ZNF775: variants seen among roughly 807,000 people sequenced by gnomAD.
The protein encoded by ZNF775 is zinc finger protein 775.
A neutral mutation model predicts 2.4 loss-of-function variants in ZNF775; 1 was observed. That is an observed-to-expected ratio of 0.41 (90% confidence interval 0.15 to 1.94). ZNF775 has a LOEUF of 1.94. Among genes scored for constraint, ZNF775 ranks in the 30% most tolerant of loss-of-function variants. The pLI is 0.30. For synonymous variants in ZNF775, 381 were observed against 373.3 expected (o/e 1.02, Z -0.24); for missense variants, 823 against 826.6 (o/e 1.00, Z 0.05).
In ZNF775 at chr7:150,388,584, C is replaced by T. The variant is rs193193031; in HGVS notation, c.31+83C>T. 3,516 of 1,490,352 alleles carry T rather than the reference C, an allele frequency of 2.4e-3. 5 individuals carry two copies. Among genetic ancestry groups the T allele is most frequent in the Non-Finnish European group, 2.9e-3 (3,186 of 1,092,944 alleles). The allele number at this position is 1,490,352 out of a possible 1,614,324, so 92.3% of individuals were successfully genotyped here. On this transcript the variant is annotated intron_variant, in intron 2 of 2. Transcript: ENST00000329630. ...CCCTTATCTTTTCTAAAGCCAGGCG[C>T]GAGCCAGTGCCCTCAGCCAGTAGCT...
intron 2 of ZNF775, among the ~76,000 whole-genome samples, chr7:150,394,929 C>T (rs893708751): frequency 1.3e-5 from 2 of 152,178 alleles, no homozygotes; most frequent in Admixed American, 6.5e-5. Context: ...ACCTTTTGCC[C>T]ACTTCCATTC....
At position 150,388,507 on chromosome 7, in the gene ZNF775, A is replaced by G. The variant is rs1428605439; in HGVS notation, c.31+6A>G. ...CCTGGCTGGCAACGGCACAGGTAAGAGAGAAGAAAGAGGAGGCAGGGGAGC... is the reference window on the plus strand; with the variant it reads ...CCTGGCTGGCAACGGCACAGGTAAGGGAGAAGAAAGAGGAGGCAGGGGAGC... On this transcript the variant is annotated splice_donor_region_variant and intron_variant, in intron 2 of 2. Coordinates refer to ENST00000329630, the MANE Select transcript of ZNF775 (RefSeq NM_173680.4). The G allele has an allele frequency of 2.6e-6, 4 of 1,551,828 alleles. No individual in the cohort carries two copies. The highest frequency in any genetic ancestry group is 1.7e-6 in the Non-Finnish European group (2 of 1,147,060).
At chr7:150,385,078 G>A (rs1272854270) in intron 1 of ZNF775, among the ~76,000 whole-genome samples, 2 of 152,154 alleles carry the variant, frequency 1.3e-5, no homozygotes, top group Non-Finnish European at 2.9e-5. Flanking sequence ...TTCCCAAGAT[G>A]TGGCATGCAG....
chr7:150,389,403 G>A (rs4725886), intron 2 of ZNF775, among the ~76,000 whole-genome samples: 32,754 of 152,264 alleles, frequency 0.22, 4,702 homozygotes, highest in Non-Finnish European at 0.31. Flanking sequence ...AAACGTGGCC[G>A]CAAGTGCAAA....
intron 2 of ZNF775, among the ~76,000 whole-genome samples, chr7:150,389,019 CAT>C (rs1390329530): frequency 3.3e-5 from 5 of 152,228 alleles, no homozygotes; most frequent in African/African-American, 9.6e-5. Context: ...CCCGCACAGT[CAT>C]GTGCTTTTGG....
intron 1 of ZNF775, among the ~76,000 whole-genome samples, chr7:150,381,478 G>A (rs1237922160): frequency 2.0e-5 from 3 of 152,138 alleles, no homozygotes; most frequent in African/African-American, 7.2e-5. Flanking sequence ...CAACAGCAAC[G>A]ACCTAAATCG....
At chr7:150,379,601 G>A (rs1800325841) in intron 1 of ZNF775, among the ~76,000 whole-genome samples, 1 of 152,060 alleles carries the variant, frequency 6.6e-6, no homozygotes, top group Non-Finnish European at 1.5e-5. Flanking sequence ...CCTCTGCCCC[G>A]ACACAGCCGA....
At chr7:150,392,548 TCTCTCTCTCTC>T (rs1800578001) in intron 2 of ZNF775, among the ~76,000 whole-genome samples, 1 of 6,612 alleles carries the variant, frequency 1.5e-4, no homozygotes, top group African/African-American at 1.9e-4. Flanking sequence ...CAAATGGATC[TCTCTCTCTCTC>T]TCTCTCTCTC....
chr7:150,388,556 G>C, intron 2 of ZNF775, 55 bp downstream of exon 2: 3 of 1,547,492 alleles, frequency 1.9e-6, no homozygotes, highest in Non-Finnish European at 2.6e-6. Context: ...CTGAGGTCAC[G>C]TGCCCTTATC....
intron 1 of ZNF775, among the ~76,000 whole-genome samples, chr7:150,385,018 A>G (rs993857227): frequency 2.0e-5 from 3 of 152,190 alleles, no homozygotes; most frequent in Non-Finnish European, 2.9e-5. Flanking sequence ...TCTGTCCACT[A>G]GCCCCTCTGC....
Position 150,397,154 on chromosome 7 carries a change from C to T in ZNF775, c.673C>T (p.His225Tyr). 6.9e-7 allele frequency: 1 copy of T among 1,458,778 alleles called. No individual in the cohort carries two copies. The highest frequency in any genetic ancestry group is 9.0e-7 in the Non-Finnish European group (1 of 1,116,184). 90.4% of individuals were successfully genotyped at this position (1,458,778 alleles called of 1,614,324 possible). A position where few individuals can be genotyped will look rare whatever the true frequency, so the allele number is the denominator to read the frequency against. The change falls in exon 3 of 3, where the codon CAC (histidine) becomes TAC (tyrosine). Residue 225 changes from histidine to tyrosine, a missense_variant. Transcript: ENST00000329630. ...CCGCCAGGGCTCCCGCGCCGGCCTG[C>T]ACGAGCTGATTCAGGACGCGGCGGC... is the stretch of plus-strand genomic sequence containing the variant. ...RDRQGSRAGL[H>Y]ELIQDAAARR...
At position 150,396,591 on chromosome 7, in the gene ZNF775, T is replaced by C. The variant is rs1414476428; in HGVS notation, c.110T>C (p.Val37Ala). Residue 37 changes from valine to alanine, a missense_variant, in exon 3 of 3, where the codon GTG becomes GCG. Val to Ala is a moderately conservative substitution (Grantham distance 64). Transcript: ENST00000329630. ...ACGCTGGCGCCGCAGGCCATGCTTG[T>C]GGAGAAGGACAAGGAGAACATATTT... ...LQTLAPQAML[V>A]EKDKENIFQQ... 6.2e-7 allele frequency: 1 copy of C among 1,609,922 alleles called. No homozygotes were observed. Among genetic ancestry groups the C allele is most frequent in the Non-Finnish European group, 8.5e-7 (1 of 1,179,104 alleles).
Position 150,397,372 on chromosome 7 carries a change from C to T in ZNF775, c.891C>T (p.Asn297=), listed in dbSNP as rs1027824768. The T allele has an allele frequency of 7.5e-6, 12 of 1,596,198 alleles. No homozygotes were observed. Among genetic ancestry groups the T allele is most frequent in the Non-Finnish European group, 1.0e-5 (12 of 1,174,692 alleles). Residue 297 remains asparagine (N), a synonymous_variant, in exon 3 of 3, where the codon AAC becomes AAT. Coordinates refer to ENST00000329630, the MANE Select transcript of ZNF775 (RefSeq NM_173680.4). ...GCTTCACCTGGTGGTCGTCGCTGAA[C>T]ATCCACCAGCGCATCCACACTGGCG... is the stretch of plus-strand genomic sequence containing the variant. The part of the protein sequence containing the change: ...GKSFTWWSSL[N]IHQRIHTGER...
At chr7:150,391,731 A>ATTTT (rs1800563517) in intron 2 of ZNF775, among the ~76,000 whole-genome samples, 1 of 30,816 alleles carries the variant, frequency 3.2e-5, no homozygotes, top group East Asian at 7.2e-4. Flanking sequence ...TTTTTTTGAG[A>ATTTT]TAGAGTTTTT....
In ZNF775 at chr7:150,398,438, G is replaced by A. The variant is rs2116485498; in HGVS notation, c.*343G>A. On this transcript the variant is annotated 3_prime_UTR_variant, in exon 3 of 3. Coordinates refer to ENST00000329630, the MANE Select transcript of ZNF775 (RefSeq NM_173680.4). Reference sequence around the variant, plus strand: ...GTGTGAAGTGGCTTAGGTCTGGACTGGTCAGCTGTGGCACCAGCCGGTCCT... The same window carrying A: ...GTGTGAAGTGGCTTAGGTCTGGACTAGTCAGCTGTGGCACCAGCCGGTCCT... 3.4e-6 allele frequency: 1 copy of A among 298,090 alleles called. No individual in the cohort carries two copies. The highest frequency in any genetic ancestry group is 6.3e-5 in the South Asian group (1 of 15,856). The allele number at this position is 298,090 out of a possible 1,614,324, so 18.5% of individuals were successfully genotyped here. A position where few individuals can be genotyped will look rare whatever the true frequency, so the allele number is the denominator to read the frequency against.
rs1469559458 is a variant in ZNF775, at chr7:150,397,816, G to C, written c.1335G>C (p.Gln445His). The change falls in exon 3 of 3, where the codon CAG becomes CAC. Residue 445 changes from glutamine to histidine, a missense_variant. Coordinates refer to ENST00000329630, the MANE Select transcript of ZNF775 (RefSeq NM_173680.4). Reference protein sequence around the residue: ...AGLAGPGEPRQFICNECGKSF... With the variant: ...AGLAGPGEPRHFICNECGKSF... ...TCGCTGGGCCTGGCGAGCCGCGCCAGTTCATCTGCAACGAGTGCGGCAAGA... is the reference window on the plus strand; with the variant it reads ...TCGCTGGGCCTGGCGAGCCGCGCCACTTCATCTGCAACGAGTGCGGCAAGA... 1.6e-5 allele frequency: 25 copies of C among 1,593,312 alleles called. No individual in the cohort carries two copies. The highest frequency in any genetic ancestry group is 2.0e-5 in the Non-Finnish European group (24 of 1,174,040).
Position 150,398,099 on chromosome 7 carries a change from A to G in ZNF775, c.*4A>G. 1 of 1,544,900 alleles carries G rather than the reference A, an allele frequency of 6.5e-7. No individual in the cohort carries two copies. The highest frequency in any genetic ancestry group is 1.4e-5 in the African/African-American group (1 of 73,390). ...CCCCAAGGAGGAGGCGCGCTAGTGGACTGGACCTCAGCGGACCCGTGGTGG... is the reference window on the plus strand; with the variant it reads ...CCCCAAGGAGGAGGCGCGCTAGTGGGCTGGACCTCAGCGGACCCGTGGTGG... On this transcript the variant is annotated 3_prime_UTR_variant, in exon 3 of 3. Coordinates refer to ENST00000329630, the MANE Select transcript of ZNF775 (RefSeq NM_173680.4).
chr7:150,385,770 A>C (rs1390885393), intron 1 of ZNF775, among the ~76,000 whole-genome samples: 1 of 152,132 alleles, frequency 6.6e-6, no homozygotes, highest in Non-Finnish European at 1.5e-5. Context: ...AGGAAAAATA[A>C]AGTTCTTATA....
At chr7:150,395,036 C>G (rs2116473418) in intron 2 of ZNF775, among the ~76,000 whole-genome samples, 1 of 152,102 alleles carries the variant, frequency 6.6e-6, no homozygotes, top group East Asian at 1.9e-4. Context: ...AAAGTCCTCA[C>G]TTGAGGCTTT....
Sources: allele counts gnomAD v4.1 joint callset (sites outside exome capture counted in the v4.1 genomes callset), GRCh38; gene constraint gnomAD v4.1.1; transcripts MANE v1.5; gene names NCBI Gene and HGNC (gene_info 2026-07-23, HGNC 2026-07-21).